Variants in MPP7 observed in about 807,000 individuals in gnomAD.
MPP7 encodes MAGUK p55 scaffold protein 7.
Under a neutral mutation model 76.5 loss-of-function variants are expected in MPP7, and 60 were observed. The observed-to-expected ratio is 0.78, with a 90% CI of 0.64 to 0.97. MPP7 has a LOEUF of 0.97. Among genes scored for constraint, MPP7 ranks in the 50% least tolerant of loss-of-function variants. MPP7 has a pLI of 0.00. For synonymous variants in MPP7, 237 were observed against 244.5 expected (o/e 0.97, Z 0.29); for missense variants, 641 against 694.0 (o/e 0.92, Z 0.86).
intron 5 of MPP7, among the ~76,000 whole-genome samples, chr10:28,132,830 C>T (rs1835237744): frequency 7.7e-6 from 1 of 129,962 alleles, no homozygotes; most frequent in African/African-American, 2.6e-5. Flanking sequence ...GAACTCCTGA[C>T]CTCATGATCC....
Position 28,238,755 on chromosome 10 carries a change from T to G in MPP7, c.-131-20A>C. The G allele has an allele frequency of 1.5e-6, 1 of 688,364 alleles. No individual in the cohort carries two copies. The highest frequency in any genetic ancestry group is 2.4e-6 in the Non-Finnish European group (1 of 411,006). The allele number at this position is 688,364 out of a possible 1,614,324, so 42.6% of individuals were successfully genotyped here. ...CCGTTTCTAGAAAGGAAAGAAACAT[T>G]TATATTTTTTAAAAAGGGACCATCA... On this transcript the variant is annotated intron_variant, in intron 1 of 16. Coordinates refer to ENST00000683449, the MANE Select transcript of MPP7 (RefSeq NM_001318170.2).
At chr10:28,125,172 C>G in intron 6 of MPP7, 81 bp from the exon 7 acceptor site, 1 of 1,192,966 alleles carries the variant, frequency 8.4e-7, no homozygotes, top group South Asian at 1.3e-5. Context: ...GGACATTCAT[C>G]TGAAAAAAGA....
At chr10:28,241,887 A>G (rs1839281957) in intron 1 of MPP7, among the ~76,000 whole-genome samples, 1 of 152,182 alleles carries the variant, frequency 6.6e-6, no homozygotes, top group South Asian at 2.1e-4. Flanking sequence ...GGCACTGATC[A>G]TGTGGAAACA....
intron 12 of MPP7, among the ~76,000 whole-genome samples, chr10:28,073,386 G>T (rs919140046): frequency 1.3e-5 from 2 of 152,138 alleles, no homozygotes; most frequent in African/African-American, 4.8e-5. Context: ...AGCCAGAAAG[G>T]TCTTTTCAGG....
chr10:28,294,811 G>A (rs1383396214), intron 1 of MPP7, among the ~76,000 whole-genome samples: 1 of 152,162 alleles, frequency 6.6e-6, no homozygotes, highest in Non-Finnish European at 1.5e-5. Context: ...ACACATTGGA[G>A]CCCACTTACA....
chr10:28,092,078 A>C (rs964791767), intron 11 of MPP7, among the ~76,000 whole-genome samples: 1 of 152,216 alleles, frequency 6.6e-6, no homozygotes, highest in Non-Finnish European at 1.5e-5. Flanking sequence ...AAAATAAAGG[A>C]AATGTGAAAC....
intron 1 of MPP7, among the ~76,000 whole-genome samples, chr10:28,300,136 A>G (rs577156527): frequency 1.2e-3 from 180 of 152,296 alleles, no homozygotes; most frequent in African/African-American, 4.2e-3. Context: ...CAGCTGCAGT[A>G]CCTTTGTATC....
Position 28,231,224 on chromosome 10 carries a change from T to C in MPP7, c.37+7344A>G, listed in dbSNP as rs117906701. On this transcript the variant is annotated intron_variant, in intron 2 of 16. Coordinates refer to ENST00000683449, the MANE Select transcript of MPP7 (RefSeq NM_001318170.2). The stretch of plus-strand genomic sequence containing the variant: ...ATGTGAATATTTTTTTAATTCTAAA[T>C]AATCAATTACAAAAATTCTAAAGCA... Among the ~76,000 whole-genome samples the C allele has an allele frequency of 7.0e-3, 1,062 of 151,176 alleles. 5 individuals carry two copies. The highest frequency in any genetic ancestry group is 8.7e-3 in the Non-Finnish European group (587 of 67,770).
intron 11 of MPP7, among the ~76,000 whole-genome samples, chr10:28,111,082 A>C (rs1834491492): frequency 6.6e-6 from 1 of 152,184 alleles, no homozygotes; most frequent in African/African-American, 2.4e-5. Context: ...TGACTAGACT[A>C]TGCAGGGTAA....
intron 8 of MPP7, 62 bp from the exon 9 acceptor site, chr10:28,120,730 T>C (rs548511819): frequency 3.6e-5 from 49 of 1,356,016 alleles, no homozygotes; most frequent in Non-Finnish European, 4.7e-5. Flanking sequence ...TAAGGTAAAA[T>C]AGGTAGAAAG....
intron 1 of MPP7, among the ~76,000 whole-genome samples, chr10:28,290,842 C>T (rs953891955): frequency 6.6e-6 from 1 of 152,144 alleles, no homozygotes; most frequent in African/African-American, 2.4e-5. Context: ...AAGTAACTCA[C>T]CTAGAATCTT....
chr10:28,116,599 GGA>G (rs1230601855), intron 11 of MPP7, among the ~76,000 whole-genome samples: 6 of 152,182 alleles, frequency 3.9e-5, no homozygotes, highest in Middle Eastern at 3.4e-3. Flanking sequence ...ATTAGATGAT[GGA>G]GAGGGAGGGA....
chr10:28,315,144 G>A (rs952725873), intron 2 of MPP7, among the ~76,000 whole-genome samples: 52 of 150,132 alleles, frequency 3.5e-4, no homozygotes, highest in African/African-American at 1.2e-3. Context: ...TGGAGACCCT[G>A]TGAAAGAAAG....
At chr10:28,128,082 G>A (rs902464280) in intron 6 of MPP7, among the ~76,000 whole-genome samples, 1 of 152,166 alleles carries the variant, frequency 6.6e-6, no homozygotes, top group East Asian at 1.9e-4. Flanking sequence ...TGCTTTATGA[G>A]TCACTGTGAG....
chr10:28,209,703 C>T (rs1564703542), intron 2 of MPP7, among the ~76,000 whole-genome samples: 1 of 152,154 alleles, frequency 6.6e-6, no homozygotes, highest in African/African-American at 2.4e-5. Context: ...AGCCTGACCC[C>T]AACAGCTCAG....
At chr10:28,283,993 A>C (rs1840740203) in intron 1 of MPP7, among the ~76,000 whole-genome samples, 1 of 152,254 alleles carries the variant, frequency 6.6e-6, no homozygotes, top group Non-Finnish European at 1.5e-5. Flanking sequence ...AGCACCCAGG[A>C]TAACAGAAGC....
At chr10:28,287,766 T>A (rs1589030504) in intron 1 of MPP7, among the ~76,000 whole-genome samples, 1 of 152,360 alleles carries the variant, frequency 6.6e-6, no homozygotes, top group East Asian at 1.9e-4. Flanking sequence ...TATTATAAAA[T>A]GTGCTAACAT....
At chr10:28,191,137 T>C (rs1348342809) in intron 3 of MPP7, among the ~76,000 whole-genome samples, 1 of 152,158 alleles carries the variant, frequency 6.6e-6, no homozygotes, top group African/African-American at 2.4e-5. Context: ...AATCAATAAC[T>C]AGTTAACTTA....
chr10:28,280,834 A>G (rs779020175), intron 1 of MPP7, among the ~76,000 whole-genome samples: 2 of 152,046 alleles, frequency 1.3e-5, no homozygotes, highest in Non-Finnish European at 1.5e-5. Flanking sequence ...GTCCCATGAG[A>G]GACAAATGGG....
Sources: allele counts gnomAD v4.1 joint callset (sites outside exome capture counted in the v4.1 genomes callset), GRCh38; gene constraint gnomAD v4.1.1; transcripts MANE v1.5; gene names NCBI Gene and HGNC (gene_info 2026-07-23, HGNC 2026-07-21).